Variants in RAI1 observed in about 807,000 individuals in gnomAD.
RAI1 encodes retinoic acid-induced protein 1.
A neutral mutation model predicts 123.8 loss-of-function variants in RAI1; 9 were observed. The observed-to-expected ratio is 0.07, with a 90% CI of 0.04 to 0.13. The LOEUF (loss-of-function observed/expected upper bound fraction) is 0.13, where lower values mean the gene tolerates loss of function less well. Ranked by LOEUF, RAI1 falls within the 10% of genes least tolerant of loss-of-function variation. The probability of loss-of-function intolerance (pLI) is 1.00; values close to 1 mark genes in which losing one functional copy is unlikely to be tolerated. For synonymous variants in RAI1, 1,231 were observed against 1,127.3 expected, an observed-to-expected ratio of 1.09 and a Z score of -1.84; for missense variants, 2,256 against 2,545.8, an observed-to-expected ratio of 0.89 and a Z score of 2.45.
Position 17,795,894 on chromosome 17 carries a change from C to T in RAI1, c.2946C>T (p.Pro982=), listed in dbSNP as rs572184391. The T allele has an allele frequency of 1.5e-5, 24 of 1,611,780 alleles. No homozygotes were observed. Among genetic ancestry groups the T allele is most frequent in the Middle Eastern group, 3.3e-4 (2 of 6,060 alleles). The change falls in exon 3 of 6, where the codon CCC becomes CCT. Residue 982 remains proline, a synonymous_variant. Coordinates refer to ENST00000353383, the MANE Select transcript of RAI1 (RefSeq NM_030665.4). This position sits in a 1 kb window ranked among gnomAD's most constrained non-coding sequence, Gnocchi z 5.9. ...LAQKPNKPAV[P]EAPIAKKEPV... ...AGAAGCCCAACAAGCCTGCTGTGCC[C>T]GAGGCGCCCATCGCAAAGAAAGAGC... is the stretch of plus-strand genomic sequence containing the variant.
chr17:17,698,865 A>G (rs1190565114), intron 1 of RAI1, among the ~76,000 whole-genome samples: 1 of 152,240 alleles, frequency 6.6e-6, no homozygotes, highest in East Asian at 1.9e-4. Flanking sequence ...CTGGATGGAC[A>G]CACAAAATCC....
chr17:17,707,745 A>G (rs1043641550), intron 1 of RAI1, among the ~76,000 whole-genome samples: 3 of 152,120 alleles, frequency 2.0e-5, no homozygotes, highest in African/African-American at 7.2e-5. Context: ...GATGCGTGCC[A>G]CCATGCCCTA....
intron 4 of RAI1, among the ~76,000 whole-genome samples, chr17:17,807,200 C>T (rs1031486700): frequency 1.6e-5 from 2 of 125,526 alleles, no homozygotes; most frequent in South Asian, 2.8e-4. Context: ...GGAGGACGGG[C>T]GCTTGGGGTG....
chr17:17,730,618 A>T (rs9905702), intron 2 of RAI1, among the ~76,000 whole-genome samples: 95,609 of 152,176 alleles, frequency 0.63, 31,466 homozygotes, highest in African/African-American at 0.83. Flanking sequence ...CCTGGCTTCA[A>T]TGCTGCTGCC....
chr17:17,781,929 C>G (rs1598076888), intron 2 of RAI1, among the ~76,000 whole-genome samples: 1 of 152,244 alleles, frequency 6.6e-6, no homozygotes, highest in Non-Finnish European at 1.5e-5. Context: ...AGGCCGAAAA[C>G]CAACGGAGGG....
chr17:17,781,863 G>A (rs2031593517), intron 2 of RAI1, among the ~76,000 whole-genome samples: 1 of 152,122 alleles, frequency 6.6e-6, no homozygotes, highest in South Asian at 2.1e-4. Context: ...GAGGGTCTGC[G>A]TGTTAGAAGC....
intron 1 of RAI1, among the ~76,000 whole-genome samples, chr17:17,706,168 C>A (rs1228457576): frequency 6.6e-6 from 1 of 152,028 alleles, no homozygotes; most frequent in East Asian, 1.9e-4. Flanking sequence ...GGTCAGCAGC[C>A]CTATGGGATG....
At chr17:17,786,753 G>C (rs539064398) in intron 2 of RAI1, among the ~76,000 whole-genome samples, 1 of 152,360 alleles carries the variant, frequency 6.6e-6, no homozygotes, top group African/African-American at 2.4e-5. Context: ...GGAGGACAAG[G>C]CTGGGGCCAG....
rs2032397470 is a variant in RAI1 at position 17,799,962 on chromosome 17, A to AC, written c.5565+1450dup. ...TGTGTGTCTTGGGCACCTGCTTCCC[A>AC]CTGCCCATGGGGATGGCTGGAGACC... On this transcript the variant is annotated intron_variant, in intron 3 of 5. Transcript: ENST00000353383. This position sits in a 1 kb window ranked among gnomAD's most constrained non-coding sequence, Gnocchi z 4.5. Among the ~76,000 whole-genome samples, 1 of 151,816 alleles carries AC rather than the reference A, an allele frequency of 6.6e-6. No individual in the cohort carries two copies. The highest frequency in any genetic ancestry group is 2.1e-4 in the South Asian group (1 of 4,800).
rs2032669441 is a variant in RAI1 at position 17,809,602 on chromosome 17, GC to G, written c.5709+165del. On this transcript the variant is annotated intron_variant, in intron 5 of 5. Transcript: ENST00000353383. This position sits in a 1 kb window ranked among gnomAD's most constrained non-coding sequence, Gnocchi z 4.9. ...CCGCCCACCCCCAGGAGCCCCCGCC[GC>G]CGTCCAGCTCAGGTCCCTGTCCACT... 6.6e-6 allele frequency among the ~76,000 whole-genome samples: 1 copy of G among 151,566 alleles called. No homozygotes were observed. Among genetic ancestry groups the G allele is most frequent in the Non-Finnish European group, 1.5e-5 (1 of 67,842 alleles).
At chr17:17,735,264 G>C (rs1298718324) in intron 2 of RAI1, among the ~76,000 whole-genome samples, 1 of 151,574 alleles carries the variant, frequency 6.6e-6, no homozygotes, top group African/African-American at 2.4e-5. Flanking sequence ...ATGTTGGTCA[G>C]GCTGGTCTTG....
intron 2 of RAI1, among the ~76,000 whole-genome samples, chr17:17,757,891 G>A (rs939303756): frequency 2.6e-5 from 4 of 152,188 alleles, no homozygotes; most frequent in African/African-American, 9.7e-5. Flanking sequence ...AAGTCCCCAC[G>A]GGTCCTGGCA....
rs1231723973 is a variant in RAI1 at position 17,795,520 on chromosome 17, C to T, written c.2572C>T (p.Pro858Ser). 2 of 1,596,808 alleles carry T rather than the reference C, an allele frequency of 1.3e-6. No homozygotes were observed. Among genetic ancestry groups the T allele is most frequent in the South Asian group, 1.1e-5 (1 of 88,960 alleles). ...ADFGDLPLLP[P>S]TSRKEDLEAE... The stretch of plus-strand genomic sequence containing the variant: ...CTTCGGGGACCTCCCACTGCTGCCA[C>T]CCACCAGCAGGAAGGAGGACCTGGA... The change falls in exon 3 of 6, where the codon CCC (proline) becomes TCC (serine). Residue 858 changes from proline (P) to serine (S), a missense_variant. By Grantham distance (74) the Pro-to-Ser change is moderately conservative. Transcript: ENST00000353383. The surrounding 1 kb of genome is among the most constrained non-coding windows in gnomAD (Gnocchi z 5.9).
chr17:17,781,135 C>T (rs2031564479), intron 2 of RAI1, among the ~76,000 whole-genome samples: 1 of 152,214 alleles, frequency 6.6e-6, no homozygotes, highest in African/African-American at 2.4e-5. Flanking sequence ...AGAACTCCAT[C>T]TCAGGTTCCC....
At chr17:17,719,065 C>T (rs922850108) in intron 1 of RAI1, among the ~76,000 whole-genome samples, 7 of 152,196 alleles carry the variant, frequency 4.6e-5, no homozygotes, top group African/African-American at 1.4e-4. Context: ...CCCTTCTCAT[C>T]GGCCCCACCC....
Position 17,682,225 on chromosome 17 carries a change from C to T in RAI1, c.-149+432C>T, listed in dbSNP as rs959958364. 4.6e-5 allele frequency among the ~76,000 whole-genome samples: 7 copies of T among 151,988 alleles called. No homozygotes were observed. In the East Asian group the frequency reaches 1.4e-3, roughly 30 times the overall value. Reference sequence around the variant, plus strand: ...TTGTGAGTGCGTCCGAGGTGGGGGACGGGGAGCTGACTTCCCCATGCGTGA... The same window carrying T: ...TTGTGAGTGCGTCCGAGGTGGGGGATGGGGAGCTGACTTCCCCATGCGTGA... On this transcript the variant is annotated intron_variant, in intron 1 of 5. Transcript: ENST00000353383.
At chr17:17,740,260 C>T (rs1039004279) in intron 2 of RAI1, among the ~76,000 whole-genome samples, 1 of 152,156 alleles carries the variant, frequency 6.6e-6, no homozygotes, top group African/African-American at 2.4e-5. Context: ...GTGGTCCAGG[C>T]CCCCTTTGGG....
intron 2 of RAI1, among the ~76,000 whole-genome samples, chr17:17,748,346 G>T (rs1274423339): frequency 6.6e-6 from 1 of 152,240 alleles, no homozygotes; most frequent in Admixed American, 6.5e-5. Flanking sequence ...AATGCATGGA[G>T]AAGGGGACAG....
intron 1 of RAI1, among the ~76,000 whole-genome samples, chr17:17,700,124 G>A (rs1208191133): frequency 6.6e-6 from 1 of 152,238 alleles, no homozygotes; most frequent in Non-Finnish European, 1.5e-5. Context: ...GGCTGAGACC[G>A]GGGCTGTGTG....
Sources: gnomAD v4.1 joint callset for allele counts (sites outside exome capture counted in the v4.1 genomes callset) on GRCh38, gnomAD v4.1.1 for gene constraint, Gnocchi (gnomAD v3.1) non-coding constraint, MANE v1.5 for transcripts, NCBI Gene and HGNC (gene_info 2026-07-23, HGNC 2026-07-21) for gene names.